Variants in RGS6 observed in about 807,000 individuals in gnomAD.
The protein encoded by RGS6 is regulator of G-protein signaling 6.
RGS6 carries 30 observed loss-of-function variants against 78.5 expected under a neutral mutation model. The ratio of observed to expected loss-of-function variants is 0.38; its 90% CI spans 0.29 to 0.52. The LOEUF is 0.52. Among genes scored for constraint, RGS6 ranks in the 20% least tolerant of loss-of-function variants. The probability of loss-of-function intolerance (pLI) is 0.85; values close to 1 mark genes in which losing one functional copy is unlikely to be tolerated. For synonymous variants in RGS6, 206 were observed against 206.0 expected (o/e 1.00, Z 0.00); for missense variants, 495 against 609.7 (o/e 0.81, Z 1.98).
At chr14:72,612,441 T>C in the RGS6 span, 5 of 517,200 alleles carry the variant, frequency 9.7e-6, no homozygotes, top group African/African-American at 3.9e-5. Flanking sequence ...TTTTTTTTTT[T>C]CTAGTACCTA....
chr14:72,470,704 A>C (rs2153308655), intron 8 of RGS6, among the ~76,000 whole-genome samples: 1 of 152,138 alleles, frequency 6.6e-6, no homozygotes, highest in East Asian at 1.9e-4. Flanking sequence ...ACATGGTGAA[A>C]CCCCGTCTCT....
chr14:72,296,490 CTTAATA>C (rs1286296085), intron 2 of RGS6, among the ~76,000 whole-genome samples: 1 of 152,194 alleles, frequency 6.6e-6, no homozygotes, highest in Non-Finnish European at 1.5e-5. Flanking sequence ...CTTGCCAACA[CTTAATA>C]TTATCAGCCT....
At chr14:72,280,976 A>G (rs2061469124) in intron 2 of RGS6, among the ~76,000 whole-genome samples, 1 of 152,172 alleles carries the variant, frequency 6.6e-6, no homozygotes, top group Non-Finnish European at 1.5e-5. Flanking sequence ...AAACTAGGAA[A>G]TCCTATGTAG....
At chr14:72,176,829 G>A (rs566574778) in intron 2 of RGS6, among the ~76,000 whole-genome samples, 2 of 152,174 alleles carry the variant, frequency 1.3e-5, no homozygotes, top group African/African-American at 4.8e-5. Flanking sequence ...ACACACGCTC[G>A]CCCATGTAAT....
At chr14:72,616,492 A>G in the RGS6 span, among the ~76,000 whole-genome samples, 3 of 152,192 alleles carry the variant, frequency 2.0e-5, no homozygotes, top group African/African-American at 7.2e-5. Flanking sequence ...GACGTCTAAC[A>G]TTGGCTAATG....
At chr14:72,133,875 T>A (rs1392334918) in intron 2 of RGS6, among the ~76,000 whole-genome samples, 1 of 152,122 alleles carries the variant, frequency 6.6e-6, no homozygotes, top group Non-Finnish European at 1.5e-5. Context: ...CTAGAAGGCA[T>A]CTTTCATATC....
chr14:72,316,596 A>T (rs553050599), intron 2 of RGS6, among the ~76,000 whole-genome samples: 1 of 152,148 alleles, frequency 6.6e-6, no homozygotes, highest in African/African-American at 2.4e-5. Context: ...ATAGTATTCC[A>T]TGGTGTATAT....
rs547952612 is a variant in RGS6, at chr14:72,100,391, A to G, written c.84+135516A>G. Among the ~76,000 whole-genome samples the G allele has an allele frequency of 2.0e-5, 3 of 152,236 alleles. No individual in the cohort carries two copies. The East Asian group carries it at 5.8e-4, about 29-fold the overall frequency. ...ACACCTGTAATCCCAGCTACTCGGG[A>G]GGCTGAGGCAGGAGAATCGCTTGAA... On this transcript the variant is annotated intron_variant, in intron 2 of 17. Transcript: ENST00000553525.
chr14:72,213,546 G>A (rs1210018011), intron 2 of RGS6, among the ~76,000 whole-genome samples: 2 of 152,162 alleles, frequency 1.3e-5, no homozygotes, highest in Non-Finnish European at 2.9e-5. Flanking sequence ...TCCACAGCCT[G>A]TAAACTTTGA....
At chr14:72,445,543 G>T (rs1365325032) in intron 3 of RGS6, among the ~76,000 whole-genome samples, 1 of 151,512 alleles carries the variant, frequency 6.6e-6, no homozygotes, top group Non-Finnish European at 1.5e-5. Flanking sequence ...CTCTAAGGCA[G>T]TGTTTGTAAA....
At chr14:72,241,820 A>C (rs977119039) in intron 2 of RGS6, among the ~76,000 whole-genome samples, 1 of 152,242 alleles carries the variant, frequency 6.6e-6, no homozygotes. Context: ...ATACTGAAAA[A>C]TTGCTTTCCA....
chr14:72,205,990 G>A (rs1285375146), intron 2 of RGS6, among the ~76,000 whole-genome samples: 1 of 152,178 alleles, frequency 6.6e-6, no homozygotes, highest in Non-Finnish European at 1.5e-5. Flanking sequence ...TATGCCCTTT[G>A]GCCCAGCAAC....
intron 2 of RGS6, among the ~76,000 whole-genome samples, chr14:72,069,938 C>G (rs2094341246): frequency 6.6e-6 from 1 of 152,136 alleles, no homozygotes; most frequent in Non-Finnish European, 1.5e-5. Flanking sequence ...CATTTTAGAC[C>G]TTCTACTTGG....
intron 2 of RGS6, among the ~76,000 whole-genome samples, chr14:72,246,691 C>T (rs1025192716): frequency 4.6e-5 from 7 of 152,132 alleles, no homozygotes; most frequent in Non-Finnish European, 1.5e-5. Flanking sequence ...GGGCAGACCA[C>T]CCGAGGTCAG....
the RGS6 span, among the ~76,000 whole-genome samples, chr14:72,607,322 C>T: frequency 2.6e-5 from 4 of 152,320 alleles, no homozygotes; most frequent in Middle Eastern, 3.4e-3. Context: ...GATCAAGGTG[C>T]CAGCAGATTC....
At chr14:72,032,981 C>CA (rs2091140913) in intron 2 of RGS6, among the ~76,000 whole-genome samples, 1 of 152,102 alleles carries the variant, frequency 6.6e-6, no homozygotes, top group Non-Finnish European at 1.5e-5. Context: ...GCTTGACTTA[C>CA]AGTTACGTCC....
chr14:72,470,008 A>G lies in RGS6; in HGVS notation c.461A>G (p.Glu154Gly), dbSNP rs1320394782. 6.2e-7 allele frequency: 1 copy of G among 1,611,350 alleles called. No individual in the cohort carries two copies. The highest frequency in any genetic ancestry group is 1.3e-5 in the African/African-American group (1 of 74,804). ...ARLELADYEA[E>G]NLARLQRAFA... is the part of the protein sequence containing the mutation. ...TTGTTGATTTTCATTTCTCATTAGG[A>G]AAACTTAGCAAGACTCCAGAGGGCC... The change falls in exon 8 of 18, where the codon GAA (glutamate) becomes GGA (glycine). Residue 154 changes from glutamate to glycine, a missense_variant and splice_region_variant. Glu to Gly is a moderately conservative substitution (Grantham distance 98). Coordinates refer to ENST00000553525, the MANE Select transcript of RGS6 (RefSeq NM_001204424.2).
chr14:72,088,379 G>A (rs929691325), intron 2 of RGS6, among the ~76,000 whole-genome samples: 7 of 152,172 alleles, frequency 4.6e-5, no homozygotes, highest in Admixed American at 1.3e-4. Context: ...GCCTTGCGCC[G>A]ATTGCTGGCT....
chr14:72,336,023 G>A (rs760551213), intron 2 of RGS6, among the ~76,000 whole-genome samples: 2 of 152,122 alleles, frequency 1.3e-5, no homozygotes, highest in South Asian at 2.1e-4. Context: ...CTCTCACTCA[G>A]GTCATCATGT....
Sources: allele counts gnomAD v4.1 joint callset (sites outside exome capture counted in the v4.1 genomes callset), GRCh38; gene constraint gnomAD v4.1.1; transcripts MANE v1.5; gene names NCBI Gene and HGNC (gene_info 2026-07-23, HGNC 2026-07-21).